Variants in PHLPP2 observed in about 807,000 individuals in gnomAD.
The protein encoded by PHLPP2 is PH domain leucine-rich repeat-containing protein phosphatase 2.
Under a neutral mutation model 124.9 loss-of-function variants are expected in PHLPP2, and 66 were observed. That is an observed-to-expected ratio of 0.53 (90% CI 0.43 to 0.65). PHLPP2 has a LOEUF of 0.65. PHLPP2 is among the 30% of genes least tolerant of loss of function. The pLI is 0.00. For missense variants in PHLPP2, 1,685 were observed against 1,600.4 expected (o/e 1.05, Z -0.90); for synonymous variants, 681 against 624.7 (o/e 1.09, Z -1.34).
intron 3 of PHLPP2, among the ~76,000 whole-genome samples, chr16:71,698,356 T>C (rs2045194896): frequency 6.6e-6 from 1 of 152,196 alleles, no homozygotes; most frequent in Admixed American, 6.5e-5. Flanking sequence ...ATGTGGGATC[T>C]TCTGGCAACC....
At chr16:71,670,235 T>C (rs554368168) in intron 10 of PHLPP2, among the ~76,000 whole-genome samples, 2 of 152,170 alleles carry the variant, frequency 1.3e-5, no homozygotes, top group Non-Finnish European at 2.9e-5. Flanking sequence ...GGAGACGGCC[T>C]GGGCTGGAGA....
Position 71,649,718 on chromosome 16 carries a change from G to T in PHLPP2, c.3144C>A (p.Thr1048=), listed in dbSNP as rs550126046. Residue 1048 remains threonine (T), a synonymous_variant, in exon 19 of 19, where the codon ACC becomes ACA. Coordinates refer to ENST00000568954, the MANE Select transcript of PHLPP2 (RefSeq NM_015020.3). ...AAGCAAATCCCACAGGACCTGGGAG[G>T]GTGAGCCCATTCATTTCACAAGTGC... The part of the protein sequence containing the change: ...EGCTCEMNGL[T]LPGPVGFAST... 11 of 1,614,124 alleles carry T rather than the reference G, an allele frequency of 6.8e-6. No individual in the cohort carries two copies. In the African/African-American group the frequency reaches 1.5e-4, roughly 22 times the overall value.
At chr16:71,699,389 G>C (rs140262718) in intron 3 of PHLPP2, among the ~76,000 whole-genome samples, 223 of 152,240 alleles carry the variant, frequency 1.5e-3, no homozygotes, top group Middle Eastern at 3.4e-3. Context: ...GAAGACCCCA[G>C]ACTCAGCGAG....
Position 71,652,916 on chromosome 16 carries a change from A to G in PHLPP2, c.2691T>C (p.Asn897=), listed in dbSNP as rs552016396. The change falls in exon 18 of 19, where the codon AAT becomes AAC. Residue 897 remains asparagine, a synonymous_variant. Coordinates refer to ENST00000568954, the MANE Select transcript of PHLPP2 (RefSeq NM_015020.3). The part of the protein sequence containing the change: ...PASSFSLTVA[N]VGTCQAVLCR... ...ACAGGACTGCTTGGCACGTGCCAAC[A>G]TTGGCTACAGTCAAGCTAAAGCTAC... is the stretch of plus-strand genomic sequence containing the variant. 51 of 1,614,076 alleles carry G rather than the reference A, an allele frequency of 3.2e-5. No individual in the cohort carries two copies. In the South Asian group the frequency reaches 5.3e-4, roughly 17 times the overall value.
chr16:71,658,141 A>T, intron 15 of PHLPP2, 92 bp downstream of exon 15: 1 of 1,085,768 alleles, frequency 9.2e-7, no homozygotes, highest in Non-Finnish European at 1.3e-6. Context: ...CTGTTCTTTT[A>T]ATTAATCAAG....
rs8203 is a variant in PHLPP2 at position 71,645,029 on chromosome 16, T to C, written c.*3861A>G. 92,799 of 265,636 alleles carry C rather than the reference T, an allele frequency of 0.35. 17,855 individuals carry two copies. Among genetic ancestry groups the C allele is most frequent in the East Asian group, 0.74 (6,564 of 8,904 alleles). The allele number at this position is 265,636 out of a possible 1,614,324, so 16.5% of individuals were successfully genotyped here. A position where few individuals can be genotyped will look rare whatever the true frequency, so the allele number is the denominator to read the frequency against. ...CTGCAACATGCTCTGGCTCATATTA[T>C]TGAATTAAAAAATTTAACACATTTC... On this transcript the variant is annotated 3_prime_UTR_variant, in exon 19 of 19. Coordinates refer to ENST00000568954, the MANE Select transcript of PHLPP2 (RefSeq NM_015020.3).
rs2044670218 is a variant in PHLPP2, at chr16:71,648,666, G to C, written c.*224C>G. On this transcript the variant is annotated 3_prime_UTR_variant, in exon 19 of 19. Transcript: ENST00000568954. Reference sequence around the variant, plus strand: ...AGGTGCCTGTAATCCCAGCTACTCGGGAGGCTGAGACAGGAGAATGGCTTG... The same window carrying C: ...AGGTGCCTGTAATCCCAGCTACTCGCGAGGCTGAGACAGGAGAATGGCTTG... 1 of 515,426 alleles carries C rather than the reference G, an allele frequency of 1.9e-6. No homozygotes were observed. The highest frequency in any genetic ancestry group is 3.4e-6 in the Non-Finnish European group (1 of 292,608). The allele number at this position is 515,426 out of a possible 1,614,324, so 31.9% of individuals were successfully genotyped here.
chr16:71,667,190 G>A lies in PHLPP2; in HGVS notation c.1772C>T (p.Ser591Phe). Residue 591 changes from serine to phenylalanine, a missense_variant, in exon 12 of 19, where the codon TCC becomes TTC. Physicochemically the swap from Ser to Phe is radical, Grantham distance 155. Coordinates refer to ENST00000568954, the MANE Select transcript of PHLPP2 (RefSeq NM_015020.3). Reference sequence around the variant, plus strand: ...CTATGATACTTACTTTAAGGCCTTGGAGAAGAGGGTGTCTGGCAGCCTCGT... The same window carrying A: ...CTATGATACTTACTTTAAGGCCTTGAAGAAGAGGGTGTCTGGCAGCCTCGT... The part of the protein sequence containing the change: ...ALTRLPDTLF[S>F]KALNLRYLNA... 1.9e-6 allele frequency: 3 copies of A among 1,613,214 alleles called. No homozygotes were observed. The highest frequency in any genetic ancestry group is 2.5e-6 in the Non-Finnish European group (3 of 1,179,734).
chr16:71,662,073 C>T (rs2044796711), intron 13 of PHLPP2, among the ~76,000 whole-genome samples: 1 of 151,856 alleles, frequency 6.6e-6, no homozygotes, highest in Non-Finnish European at 1.5e-5. Flanking sequence ...CCGCCCGCCT[C>T]GGCCTGCCAA....
rs1346283360 is a variant in PHLPP2, at chr16:71,647,202, T to A, written c.*1688A>T. The A allele has an allele frequency of 6.6e-6, 1 of 152,586 alleles. No homozygotes were observed. Among genetic ancestry groups the A allele is most frequent in the East Asian group, 1.9e-4 (1 of 5,196 alleles). 9.5% of individuals were successfully genotyped at this position (152,586 alleles called of 1,614,324 possible). A position where few individuals can be genotyped will look rare whatever the true frequency, so the allele number is the denominator to read the frequency against. ...TGGGTAAAATCAAGCAATGCCAACA[T>A]TTTGTGGGAATAAATAGGAATTAAT... On this transcript the variant is annotated 3_prime_UTR_variant, in exon 19 of 19. Coordinates refer to ENST00000568954, the MANE Select transcript of PHLPP2 (RefSeq NM_015020.3).
Position 71,715,457 on chromosome 16 carries a change from C to T in PHLPP2, c.-6-656G>A, listed in dbSNP as rs550735296. ...TTGGGAGGCCAAGGCTGGCGGATCA[C>T]CTGAGGTCAGGAATTCGAGACCAGC... is the stretch of plus-strand genomic sequence containing the variant. On this transcript the variant is annotated intron_variant, in intron 1 of 18. Transcript: ENST00000568954. 3 of 152,238 alleles carry T rather than the reference C, an allele frequency of 2.0e-5. No individual in the cohort carries two copies. In the East Asian group the frequency reaches 5.8e-4, roughly 29 times the overall value. The allele number at this position is 152,238 out of a possible 1,614,324, so 9.4% of individuals were successfully genotyped here.
At chr16:71,696,454 T>C (rs915169047) in intron 3 of PHLPP2, among the ~76,000 whole-genome samples, 5 of 152,038 alleles carry the variant, frequency 3.3e-5, no homozygotes, top group Non-Finnish European at 5.9e-5. Flanking sequence ...CTGACCAACA[T>C]GGTGAAACCC....
In PHLPP2 at chr16:71,681,762, A is replaced by G; in HGVS notation, c.879T>C (p.Asp293=). The G allele has an allele frequency of 1.2e-6, 2 of 1,613,270 alleles. No homozygotes were observed. Among genetic ancestry groups the G allele is most frequent in the African/African-American group, 2.7e-5 (2 of 75,012 alleles). ...FMQLERPGGL[D]TLYKFSQLKG... ...CATTCTCCACATACTTGTAGAGTGT[A>G]TCGAGGCCTCCGGGTCTTTCTAACT... Residue 293 remains aspartate (D), a synonymous_variant, in exon 6 of 19, where the codon GAT becomes GAC. Transcript: ENST00000568954.
intron 4 of PHLPP2, among the ~76,000 whole-genome samples, chr16:71,686,862 T>C (rs558349620): frequency 6.6e-6 from 1 of 152,318 alleles, no homozygotes; most frequent in East Asian, 1.9e-4. Context: ...AAGTTGTTTC[T>C]AGTTTTTAGC....
At chr16:71,723,685 C>T (rs1268161806) in intron 1 of PHLPP2, 9 of 586,690 alleles carry the variant, frequency 1.5e-5, no homozygotes, top group East Asian at 1.3e-4. Context: ...GGGGCGGCAG[C>T]GGCCTCTAGC....
intron 16 of PHLPP2, among the ~76,000 whole-genome samples, chr16:71,655,702 G>C (rs2145308508): frequency 6.6e-6 from 1 of 152,040 alleles, no homozygotes; most frequent in East Asian, 1.9e-4. Context: ...ATGTTAGCCA[G>C]GATGGTCTTG....
At chr16:71,692,639 T>C (rs1438120592) in intron 3 of PHLPP2, among the ~76,000 whole-genome samples, 1 of 152,172 alleles carries the variant, frequency 6.6e-6, no homozygotes, top group Non-Finnish European at 1.5e-5. Context: ...AAGTGATTGA[T>C]TCCAGGACCT....
At chr16:71,651,989 GAT>G (rs1187848997) in intron 18 of PHLPP2, among the ~76,000 whole-genome samples, 1 of 152,130 alleles carries the variant, frequency 6.6e-6, no homozygotes, top group Non-Finnish European at 1.5e-5. Flanking sequence ...ATGAGTTTTA[GAT>G]ACAATACCAA....
At chr16:71,716,771 C>T (rs947857557) in intron 1 of PHLPP2, among the ~76,000 whole-genome samples, 3 of 152,218 alleles carry the variant, frequency 2.0e-5, no homozygotes, top group Non-Finnish European at 2.9e-5. Context: ...GCATCACCTT[C>T]TCTATGGAGC....
Sources: gnomAD v4.1 joint callset for allele counts (sites outside exome capture counted in the v4.1 genomes callset) on GRCh38, gnomAD v4.1.1 for gene constraint, MANE v1.5 for transcripts, NCBI Gene and HGNC (gene_info 2026-07-23, HGNC 2026-07-21) for gene names.